Variants in TRMT11 observed in about 807,000 individuals in gnomAD.
TRMT11 encodes tRNA (guanine(10)-N(2))-methyltransferase TRMT11.
In TRMT11, 53 loss-of-function variants were observed where a neutral mutation model predicts 62.8. That is an observed-to-expected ratio of 0.84 (90% CI 0.68 to 1.06). The LOEUF is 1.06. Ranked by LOEUF, TRMT11 falls within the 50% of genes least tolerant of loss-of-function variation. The probability of loss-of-function intolerance (pLI) is 0.00; values close to 1 mark genes in which losing one functional copy is unlikely to be tolerated. For synonymous variants in TRMT11, 188 were observed against 190.3 expected, an observed-to-expected ratio of 0.99 and a Z score of 0.10; for missense variants, 556 against 553.4, an observed-to-expected ratio of 1.00 and a Z score of -0.05.
chr6:126,161,608 G>A (rs914685113), intron 21 of TRMT11, among the ~76,000 whole-genome samples: 3 of 151,916 alleles, frequency 2.0e-5, no homozygotes, highest in African/African-American at 7.3e-5. Flanking sequence ...GTAATGGGAT[G>A]GCTGGGTCAA....
intron 11 of TRMT11, among the ~76,000 whole-genome samples, chr6:126,019,969 A>G (rs1795580799): frequency 6.6e-6 from 1 of 152,206 alleles, no homozygotes; most frequent in Non-Finnish European, 1.5e-5. Context: ...TGACTTCAAG[A>G]TAATTCTTTC....
chr6:126,031,331 A>C (rs532463340), intron 12 of TRMT11, among the ~76,000 whole-genome samples: 4 of 152,296 alleles, frequency 2.6e-5, no homozygotes, highest in African/African-American at 9.6e-5. Context: ...GGAAGGCCAT[A>C]GTTTTCATCA....
downstream of TRMT11, among the ~76,000 whole-genome samples, chr6:126,042,715 G>A (rs1052259063): frequency 5.3e-5 from 8 of 152,092 alleles, no homozygotes; most frequent in African/African-American, 1.9e-4. Context: ...ACTCTATTTT[G>A]GCTAACATGC....
intron 17 of TRMT11, among the ~76,000 whole-genome samples, chr6:126,073,409 C>A (rs1369459539): frequency 6.6e-6 from 1 of 152,146 alleles, no homozygotes; most frequent in African/African-American, 2.4e-5. Flanking sequence ...ACGCCAAATA[C>A]ATATTGATAA....
the TRMT11 span, among the ~76,000 whole-genome samples, chr6:126,268,163 A>G: frequency 2.0e-5 from 3 of 152,188 alleles, no homozygotes; most frequent in Non-Finnish European, 4.4e-5. Context: ...CGTCCCTTCA[A>G]CCACAGATTT....
At chr6:125,990,847 A>G (rs1790494381) in intron 1 of TRMT11, among the ~76,000 whole-genome samples, 1 of 152,088 alleles carries the variant, frequency 6.6e-6, no homozygotes, top group Admixed American at 6.5e-5. Context: ...TTTACATTTC[A>G]GTTGTGAGGT....
chr6:126,028,191 CTG>C (rs1773541893), intron 12 of TRMT11, among the ~76,000 whole-genome samples: 1 of 152,072 alleles, frequency 6.6e-6, no homozygotes, highest in African/African-American at 2.4e-5. Context: ...CTTCCCAAAA[CTG>C]TGGGTTCCCT....
At chr6:126,012,633 A>C in intron 9 of TRMT11, 138 bp from the exon 10 acceptor site, 1 of 606,266 alleles carries the variant, frequency 1.6e-6, no homozygotes, top group Non-Finnish European at 2.9e-6. Context: ...TTTATGTTGT[A>C]CATTTTCAGT....
chr6:126,143,878 C>A (rs927429198), intron 21 of TRMT11, among the ~76,000 whole-genome samples: 9 of 152,050 alleles, frequency 5.9e-5, no homozygotes, highest in African/African-American at 2.2e-4. Context: ...AGGATGGGGC[C>A]GCTTGACTCA....
upstream of TRMT11, among the ~76,000 whole-genome samples, chr6:126,176,543 C>G (rs114911403): frequency 6.6e-6 from 1 of 152,162 alleles, no homozygotes; most frequent in Admixed American, 6.6e-5. Flanking sequence ...TTGAATACCT[C>G]CTGTGACCTA....
chr6:126,221,777 A>C, the TRMT11 span, among the ~76,000 whole-genome samples: 1 of 152,036 alleles, frequency 6.6e-6, no homozygotes, highest in African/African-American at 2.4e-5. Context: ...AGTTTCTGTT[A>C]GTTTCTTTTG....
the TRMT11 span, among the ~76,000 whole-genome samples, chr6:126,248,221 A>G: frequency 6.6e-6 from 1 of 152,176 alleles, no homozygotes; most frequent in African/African-American, 2.4e-5. Context: ...TCCAACAAAA[A>G]GAACAAAGGA....
At chr6:125,999,079 T>C (rs1349584239) in intron 6 of TRMT11, among the ~76,000 whole-genome samples, 1 of 152,084 alleles carries the variant, frequency 6.6e-6, no homozygotes, top group African/African-American at 2.4e-5. Flanking sequence ...ATGGAATTAC[T>C]GTAAAGCAGT....
At chr6:126,077,654 G>A (rs1777057860) in intron 17 of TRMT11, among the ~76,000 whole-genome samples, 1 of 152,168 alleles carries the variant, frequency 6.6e-6, no homozygotes. Context: ...GATCATGTTA[G>A]AACAACATCT....
At chr6:126,128,328 A>AAGATAT in intron 21 of TRMT11, among the ~76,000 whole-genome samples, 1 of 152,262 alleles carries the variant, frequency 6.6e-6, no homozygotes, top group Non-Finnish European at 1.5e-5. Context: ...TGGTAGAGAA[A>AAGATAT]AGATATAAAT....
At chr6:126,258,003 T>C in the TRMT11 span, 1 of 1,535,638 alleles carries the variant, frequency 6.5e-7, no homozygotes. Context: ...GGTGGGTTTG[T>C]AACAGTCAAC....
the TRMT11 span, among the ~76,000 whole-genome samples, chr6:126,237,480 A>T: frequency 1.3e-5 from 2 of 151,922 alleles, no homozygotes; most frequent in East Asian, 3.9e-4. Flanking sequence ...AGGAGTTTGA[A>T]AGCAGCATGG....
intron 21 of TRMT11, among the ~76,000 whole-genome samples, chr6:126,128,027 G>A (rs573581199): frequency 1.1e-4 from 16 of 152,068 alleles, no homozygotes; most frequent in African/African-American, 2.7e-4. Context: ...AAAGCCTAGC[G>A]GAATGGATTT....
chr6:125,998,686 T>G lies in TRMT11; in HGVS notation c.522+2T>G, dbSNP rs1159328791. On this transcript the variant is annotated splice_donor_variant, in intron 6 of 12. Coordinates refer to ENST00000334379, the MANE Select transcript of TRMT11 (RefSeq NM_001031712.3). LOFTEE classifies it high-confidence loss of function. ...CATAATATTTATTTTGGTAGATGGG[T>G]GAGCAAGTTTTCTTTCTACCTATGT... 1 of 1,608,068 alleles carries G rather than the reference T, an allele frequency of 6.2e-7. No individual in the cohort carries two copies. The highest frequency in any genetic ancestry group is 8.5e-7 in the Non-Finnish European group (1 of 1,178,310).
Sources: allele counts gnomAD v4.1 joint callset (sites outside exome capture counted in the v4.1 genomes callset), GRCh38; gene constraint gnomAD v4.1.1; transcripts MANE v1.5; gene names NCBI Gene and HGNC (gene_info 2026-07-23, HGNC 2026-07-21).